TMC2: variants seen among roughly 807,000 people sequenced by gnomAD.
TMC2 encodes transmembrane channel like 2.
A neutral mutation model predicts 105.9 loss-of-function variants in TMC2; 102 were observed. The ratio of observed to expected loss-of-function variants is 0.96; its 90% confidence interval spans 0.82 to 1.14. TMC2 has a LOEUF of 1.14. Ranked by LOEUF, TMC2 falls within the 50% of genes most tolerant of loss-of-function variation. TMC2 has a pLI of 0.00. For synonymous variants in TMC2, 402 were observed against 422.8 expected (o/e 0.95, Z 0.60); for missense variants, 1,093 against 1,134.3 (o/e 0.96, Z 0.52).
In TMC2 at chr20:2,574,748, G is replaced by GT. The variant is rs971095725; in HGVS notation, c.645+2488dup. On this transcript the variant is annotated intron_variant, in intron 5 of 19. Transcript: ENST00000358864. ...ATCTTTCTTATTCCTTTGTTTTTTTGTTTTTTTTTCTCTGTCGCCCAGGCT... is the reference window on the plus strand; with the variant it reads ...ATCTTTCTTATTCCTTTGTTTTTTTGTTTTTTTTTTCTCTGTCGCCCAGGCT... Among the ~76,000 whole-genome samples, 71 of 149,972 alleles carry GT rather than the reference G, an allele frequency of 4.7e-4. 2 individuals are homozygous for GT. Among genetic ancestry groups the GT allele is most frequent in the South Asian group, 2.5e-3 (12 of 4,710 alleles).
At chr20:2,626,855 A>C (rs2086568403) in intron 17 of TMC2, among the ~76,000 whole-genome samples, 1 of 152,206 alleles carries the variant, frequency 6.6e-6, no homozygotes, top group Non-Finnish European at 1.5e-5. Context: ...AAAGAAAAAA[A>C]GGATTTGTTT....
intron 2 of TMC2, among the ~76,000 whole-genome samples, chr20:2,547,704 T>C (rs2085933627): frequency 6.6e-6 from 1 of 152,050 alleles, no homozygotes; most frequent in Non-Finnish European, 1.5e-5. Flanking sequence ...GTCTGGAGAG[T>C]TGAACACAGG....
At chr20:2,635,820 T>C (rs2086638114) in intron 17 of TMC2, 106 bp from the exon 18 acceptor site, 1 of 888,840 alleles carries the variant, frequency 1.1e-6, no homozygotes, top group South Asian at 1.4e-5. Context: ...ACCCAAAGCC[T>C]CAGTAACTAT....
intron 4 of TMC2, among the ~76,000 whole-genome samples, chr20:2,570,494 T>A (rs2086095447): frequency 6.6e-6 from 1 of 151,846 alleles, no homozygotes; most frequent in Non-Finnish European, 1.5e-5. Context: ...ATACAATGAC[T>A]AAAGAAATCA....
chr20:2,554,079 G>T (rs555591992), intron 2 of TMC2, among the ~76,000 whole-genome samples: 1 of 151,986 alleles, frequency 6.6e-6, no homozygotes. Flanking sequence ...TGGAGATGGG[G>T]GTTTCACCAT....
At chr20:2,623,897 C>A (rs1036068467) in intron 16 of TMC2, among the ~76,000 whole-genome samples, 2 of 152,198 alleles carry the variant, frequency 1.3e-5, no homozygotes, top group African/African-American at 4.8e-5. Context: ...GTTTCCCAGG[C>A]CCAAAGGAAG....
chr20:2,635,974 T>C lies in TMC2; in HGVS notation c.2355T>C (p.Ala785=), dbSNP rs756260674. The C allele has an allele frequency of 6.2e-7, 1 of 1,614,164 alleles. No individual in the cohort carries two copies. Among genetic ancestry groups the C allele is most frequent in the Admixed American group, 1.7e-5 (1 of 60,018 alleles). The stretch of plus-strand genomic sequence containing the variant: ...CAGTTTCCAAAAGCCTTTCCCGAGC[T>C]AATGCCCAGCTGAGGAAGAAAATCC... The part of the protein sequence containing the change: ...LNSVSKSLSR[A]NAQLRKKIQV... Residue 785 remains alanine (A), a synonymous_variant, in exon 18 of 20, where the codon GCT becomes GCC. Coordinates refer to ENST00000358864, the MANE Select transcript of TMC2 (RefSeq NM_080751.3).
At chr20:2,610,996 G>A (rs1340469522) in intron 12 of TMC2, among the ~76,000 whole-genome samples, 1 of 152,164 alleles carries the variant, frequency 6.6e-6, no homozygotes, top group Non-Finnish European at 1.5e-5. Context: ...ACAATGGCAG[G>A]CCCTGGGGTA....
Position 2,641,276 on chromosome 20 carries a change from T to C in TMC2, c.2646T>C (p.Asp882=). Residue 882 remains aspartate, a synonymous_variant, in exon 20 of 20, where the codon GAT becomes GAC. Coordinates refer to ENST00000358864, the MANE Select transcript of TMC2 (RefSeq NM_080751.3). ...CTCGGCCCCCTGGAATCGGACCAGATTCTGGCCACGCCCCATCTCAGACTC... is the reference window on the plus strand; with the variant it reads ...CTCGGCCCCCTGGAATCGGACCAGACTCTGGCCACGCCCCATCTCAGACTC... The part of the protein sequence containing the change: ...PISRPPGIGP[D]SGHAPSQTHP... The C allele has an allele frequency of 6.2e-7, 1 of 1,614,168 alleles. No homozygotes were observed. The highest frequency in any genetic ancestry group is 8.5e-7 in the Non-Finnish European group (1 of 1,180,042).
At chr20:2,602,506 AG>A (rs2086359452) in intron 11 of TMC2, among the ~76,000 whole-genome samples, 1 of 152,232 alleles carries the variant, frequency 6.6e-6, no homozygotes, top group South Asian at 2.1e-4. Context: ...TTTTACAACT[AG>A]AAAAACTGGA....
intron 2 of TMC2, among the ~76,000 whole-genome samples, chr20:2,542,486 G>A (rs2085896187): frequency 6.6e-6 from 1 of 152,152 alleles, no homozygotes; most frequent in Non-Finnish European, 1.5e-5. Flanking sequence ...TATATGTCCT[G>A]CTTTTAGTCC....
chr20:2,567,560 A>G (rs1381125843), intron 4 of TMC2, among the ~76,000 whole-genome samples: 2 of 152,090 alleles, frequency 1.3e-5, no homozygotes, highest in Non-Finnish European at 2.9e-5. Context: ...TATTTTATTT[A>G]TTTTTATTTT....
intron 17 of TMC2, 106 bp downstream of exon 17, chr20:2,624,502 A>C (rs2086550541): frequency 7.7e-7 from 1 of 1,298,974 alleles, no homozygotes; most frequent in African/African-American, 1.5e-5. Flanking sequence ...TGCACTCCCC[A>C]GAAGCAGAAT....
chr20:2,560,694 A>G (rs952921391), intron 3 of TMC2, among the ~76,000 whole-genome samples: 1 of 152,042 alleles, frequency 6.6e-6, no homozygotes, highest in Admixed American at 6.6e-5. Context: ...AAAATTAGCC[A>G]GGCGTGGTGG....
intron 13 of TMC2, 64 bp downstream of exon 13, chr20:2,612,404 A>G (rs1433715920): frequency 2.9e-6 from 4 of 1,388,540 alleles, no homozygotes; most frequent in Non-Finnish European, 2.8e-6. Flanking sequence ...TCCCTCCTTG[A>G]TGTTTCCATT....
chr20:2,624,412 C>T lies in TMC2; in HGVS notation c.2306+16C>T. 1.9e-6 allele frequency: 3 copies of T among 1,607,380 alleles called. No individual in the cohort carries two copies. The highest frequency in any genetic ancestry group is 2.5e-6 in the Non-Finnish European group (3 of 1,176,576). ...TGCTGATGTTGTAAGTTAGCCAGGA[C>T]CCATGGCTCCACCCCACGGAAACTT... On this transcript the variant is annotated intron_variant, in intron 17 of 19. Transcript: ENST00000358864.
chr20:2,547,401 C>T (rs1457368042), intron 2 of TMC2, among the ~76,000 whole-genome samples: 1 of 152,186 alleles, frequency 6.6e-6, no homozygotes, highest in African/African-American at 2.4e-5. Context: ...TAACAAATCT[C>T]TGGATATAGA....
At chr20:2,554,264 C>T (rs2085973482) in intron 2 of TMC2, among the ~76,000 whole-genome samples, 1 of 152,052 alleles carries the variant, frequency 6.6e-6, no homozygotes, top group Admixed American at 6.6e-5. Context: ...TAATTTATGT[C>T]TCCAGCCTGG....
rs1378546052 is a variant in TMC2 at position 2,642,495 on chromosome 20, T to G, written c.*1144T>G. On this transcript the variant is annotated 3_prime_UTR_variant, in exon 20 of 20. Coordinates refer to ENST00000358864, the MANE Select transcript of TMC2 (RefSeq NM_080751.3). ...AAAAGGAATTTGATAACATGATTAT[T>G]GTACAAAAGACCTTGAAGATGGTTT... Among the ~76,000 whole-genome samples the G allele has an allele frequency of 6.6e-6, 1 of 152,236 alleles. No homozygotes were observed. Among genetic ancestry groups the G allele is most frequent in the East Asian group, 1.9e-4 (1 of 5,204 alleles).
Sources: allele counts gnomAD v4.1 joint callset (sites outside exome capture counted in the v4.1 genomes callset), GRCh38; gene constraint gnomAD v4.1.1; transcripts MANE v1.5; gene names NCBI Gene and HGNC (gene_info 2026-07-23, HGNC 2026-07-21).